The following CNTNAP2 variants were observed in gnomAD, a reference collection of about 807,000 sequenced individuals.
CNTNAP2 encodes the protein contactin associated protein 2, also known as contactin-associated protein-like 2.
Under a neutral mutation model 155.2 loss-of-function variants are expected in CNTNAP2, and 98 were observed. The observed-to-expected ratio is 0.63, with a 90% CI of 0.54 to 0.75. The LOEUF (loss-of-function observed/expected upper bound fraction) is 0.75, where lower values mean the gene tolerates loss of function less well. Ranked by LOEUF, CNTNAP2 falls within the 30% of genes least tolerant of loss-of-function variation. CNTNAP2 has a pLI of 0.00. For synonymous variants in CNTNAP2, 651 were observed against 631.2 expected (o/e 1.03, Z -0.47); for missense variants, 1,727 against 1,688.1 (o/e 1.02, Z -0.40).
At chr7:146,831,068 A>G (rs1316203042) in intron 2 of CNTNAP2, among the ~76,000 whole-genome samples, 1 of 152,194 alleles carries the variant, frequency 6.6e-6, no homozygotes, top group Non-Finnish European at 1.5e-5. Context: ...ATGCTGTTCT[A>G]TTAAACAAGG....
chr7:147,132,370 A>G lies in CNTNAP2; in HGVS notation c.1209A>G (p.Thr403=). 1 of 1,613,726 alleles carries G rather than the reference A, an allele frequency of 6.2e-7. No homozygotes were observed. ...DLFSVSFQFR[T]WNPNGLLVFS... ...TCTCAGTCAGTTTCCAGTTTAGGACATGGAACCCCAATGGTCTCCTGGTCT... is the reference window on the plus strand; with the variant it reads ...TCTCAGTCAGTTTCCAGTTTAGGACGTGGAACCCCAATGGTCTCCTGGTCT... The change falls in exon 8 of 24, where the codon ACA becomes ACG. Residue 403 remains threonine, a synonymous_variant. Coordinates refer to ENST00000361727, the MANE Select transcript of CNTNAP2 (RefSeq NM_014141.6).
At chr7:146,421,139 AGATTT>A (rs1796006479) in intron 1 of CNTNAP2, among the ~76,000 whole-genome samples, 1 of 152,052 alleles carries the variant, frequency 6.6e-6, no homozygotes, top group African/African-American at 2.4e-5. Context: ...AAATACTGTA[AGATTT>A]GTCATCTGTT....
intron 5 of CNTNAP2, among the ~76,000 whole-genome samples, chr7:147,110,636 T>C (rs1325639030): frequency 2.6e-5 from 4 of 152,194 alleles, no homozygotes; most frequent in Non-Finnish European, 5.9e-5. Flanking sequence ...TTTGGCTTTC[T>C]GTTCCTGCAT....
At chr7:147,007,729 T>C (rs1344024045) in intron 3 of CNTNAP2, among the ~76,000 whole-genome samples, 2 of 152,072 alleles carry the variant, frequency 1.3e-5, no homozygotes, top group African/African-American at 4.8e-5. Context: ...TCTTAAAATA[T>C]CTGAGCATAT....
intron 13 of CNTNAP2, among the ~76,000 whole-genome samples, chr7:147,670,842 G>T (rs76297534): frequency 0.063 from 9,595 of 152,280 alleles, 428 homozygotes; most frequent in Middle Eastern, 0.14. Flanking sequence ...CACTTGCCCT[G>T]TGCCCCTGCT....
chr7:146,182,230 A>G (rs1036747233), intron 1 of CNTNAP2, among the ~76,000 whole-genome samples: 1 of 152,150 alleles, frequency 6.6e-6, no homozygotes, highest in African/African-American at 2.4e-5. Context: ...TTCTAGAGAC[A>G]AGAGAATCTT....
intron 2 of CNTNAP2, among the ~76,000 whole-genome samples, chr7:146,825,663 G>A (rs1287015027): frequency 6.6e-6 from 1 of 152,072 alleles, no homozygotes; most frequent in Non-Finnish European, 1.5e-5. Flanking sequence ...TATGAAAAGT[G>A]GAGATACAAA....
intron 18 of CNTNAP2, among the ~76,000 whole-genome samples, chr7:148,213,981 C>A (rs114827289): frequency 6.6e-6 from 1 of 152,210 alleles, no homozygotes; most frequent in Non-Finnish European, 1.5e-5. Context: ...AGACTTCAGA[C>A]CCTCTCACTG....
chr7:146,358,135 C>T lies in CNTNAP2; in HGVS notation c.97+241162C>T, dbSNP rs528680008. 1.4e-3 allele frequency among the ~76,000 whole-genome samples: 207 copies of T among 152,070 alleles called. 1 individual carries two copies. Among genetic ancestry groups the T allele is most frequent in the African/African-American group, 4.7e-3 (195 of 41,466 alleles). ...CTGCAAGCTCCGCCTGCCGGGTTCA[C>T]GCCATTCTCCTGCCTCAGCCTCCCG... On this transcript the variant is annotated intron_variant, in intron 1 of 23. Transcript: ENST00000361727.
chr7:146,295,172 T>G (rs1584853562), intron 1 of CNTNAP2, among the ~76,000 whole-genome samples: 1 of 152,190 alleles, frequency 6.6e-6, no homozygotes, highest in African/African-American at 2.4e-5. Context: ...TGTACTATCA[T>G]GTACTATGAG....
intron 10 of CNTNAP2, among the ~76,000 whole-genome samples, chr7:147,446,115 GTTTC>G (rs1329341501): frequency 4.2e-5 from 6 of 141,416 alleles, no homozygotes; most frequent in Admixed American, 3.0e-4. Flanking sequence ...CTTGCTCTTT[GTTTC>G]TTTCTTTTTT....
chr7:147,140,516 C>T (rs1801570520), intron 8 of CNTNAP2, among the ~76,000 whole-genome samples: 1 of 152,114 alleles, frequency 6.6e-6, no homozygotes, highest in South Asian at 2.1e-4. Context: ...TGAATTTTAA[C>T]TACCTCCCAA....
intron 10 of CNTNAP2, among the ~76,000 whole-genome samples, chr7:147,413,352 T>G (rs897187521): frequency 3.3e-5 from 5 of 152,150 alleles, no homozygotes; most frequent in African/African-American, 1.2e-4. Context: ...ACAACAGGCT[T>G]TCCCCTAAGA....
intron 15 of CNTNAP2, among the ~76,000 whole-genome samples, chr7:148,033,182 C>T (rs1802511813): frequency 6.6e-6 from 1 of 152,120 alleles, no homozygotes; most frequent in African/African-American, 2.4e-5. Flanking sequence ...CCTTCCTCTT[C>T]CATCTCATTG....
At chr7:147,438,557 C>G (rs1371246654) in intron 10 of CNTNAP2, among the ~76,000 whole-genome samples, 1 of 150,430 alleles carries the variant, frequency 6.6e-6, no homozygotes, top group Non-Finnish European at 1.5e-5. Context: ...TTATTTTTTT[C>G]ATGTGTCTTT....
chr7:147,669,671 C>T lies in CNTNAP2; in HGVS notation c.2098+30365C>T, dbSNP rs140881467. On this transcript the variant is annotated intron_variant, in intron 13 of 23. Coordinates refer to ENST00000361727, the MANE Select transcript of CNTNAP2 (RefSeq NM_014141.6). ...GCCATCCTGGAGGGGCTCTGGGTGC[C>T]CGGGCAAGCCCCAGCCTCTCATCTG... 3.8e-3 allele frequency among the ~76,000 whole-genome samples: 579 copies of T among 152,234 alleles called. 2 individuals are homozygous for T. The highest frequency in any genetic ancestry group is 0.034 in the Middle Eastern group (10 of 294).
chr7:148,007,363 G>T (rs1802000259), intron 15 of CNTNAP2, among the ~76,000 whole-genome samples: 1 of 152,140 alleles, frequency 6.6e-6, no homozygotes, highest in African/African-American at 2.4e-5. Flanking sequence ...TGCTTATGTA[G>T]GAAGTAAGCT....
intron 13 of CNTNAP2, among the ~76,000 whole-genome samples, chr7:147,679,835 A>G (rs1430489840): frequency 1.3e-5 from 2 of 151,962 alleles, no homozygotes; most frequent in African/African-American, 4.8e-5. Flanking sequence ...TAGATACAGA[A>G]CTCCTTAAAA....
chr7:147,588,598 A>C (rs1436160816), intron 12 of CNTNAP2, among the ~76,000 whole-genome samples: 1 of 152,198 alleles, frequency 6.6e-6, no homozygotes, highest in East Asian at 1.9e-4. Flanking sequence ...TTTTCTCTAT[A>C]TTGATATAAT....
Sources: gnomAD v4.1 joint callset for allele counts (sites outside exome capture counted in the v4.1 genomes callset) on GRCh38, gnomAD v4.1.1 for gene constraint, MANE v1.5 for transcripts, NCBI Gene and HGNC (gene_info 2026-07-23, HGNC 2026-07-21) for gene names.